The following PDE4B variants were observed in gnomAD, a reference collection of about 807,000 sequenced individuals.
PDE4B encodes 3',5'-cyclic-AMP phosphodiesterase 4B.
In PDE4B, 20 loss-of-function variants were observed where a neutral mutation model predicts 82.2. The ratio of observed to expected loss-of-function variants is 0.24; its 90% confidence interval spans 0.17 to 0.35. The LOEUF (loss-of-function observed/expected upper bound fraction) is 0.35. PDE4B is among the 10% of genes least tolerant of loss of function. The pLI is 1.00. For missense variants in PDE4B, 655 were observed against 907.2 expected (o/e 0.72, Z 3.57); for synonymous variants, 320 against 318.9 (o/e 1.00, Z -0.04).
In PDE4B at chr1:66,306,917, T is replaced by G. The variant is rs372224375; in HGVS notation, c.635-25591T>G. ...TCAGTTGGAAATACAGATGTGGCAC[T>G]TTTGTAAAAGATCGGGGACAATGAT... On this transcript the variant is annotated intron_variant, in intron 7 of 16. Coordinates refer to ENST00000341517, the MANE Select transcript of PDE4B (RefSeq NM_002600.4). Among the ~76,000 whole-genome samples, 10 of 152,270 alleles carry G rather than the reference T, an allele frequency of 6.6e-5. No individual in the cohort carries two copies. The East Asian group carries it at 9.6e-4, about 15-fold the overall frequency.
intron 1 of PDE4B, among the ~76,000 whole-genome samples, chr1:65,901,151 GT>G (rs1000980118): frequency 8.4e-4 from 128 of 152,034 alleles, no homozygotes; most frequent in Non-Finnish European, 1.5e-3. Flanking sequence ...TATGTTGAGA[GT>G]TTTTTCATGA....
chr1:66,325,781 T>C (rs184951827), intron 7 of PDE4B, among the ~76,000 whole-genome samples: 1 of 152,278 alleles, frequency 6.6e-6, no homozygotes, highest in Admixed American at 6.5e-5. Flanking sequence ...ATCAGGAAAG[T>C]GACCCAGGAC....
intron 3 of PDE4B, among the ~76,000 whole-genome samples, chr1:66,224,728 A>G (rs1257713866): frequency 6.6e-6 from 1 of 152,186 alleles, no homozygotes; most frequent in African/African-American, 2.4e-5. Context: ...AAAAATAATA[A>G]TAATAATAAT....
intron 3 of PDE4B, among the ~76,000 whole-genome samples, chr1:66,131,592 G>GATATATATGTAT (rs1645945377): frequency 3.0e-5 from 1 of 32,842 alleles, no homozygotes; most frequent in Non-Finnish European, 7.9e-5. Flanking sequence ...CTGAATGCCA[G>GATATATATGTAT]ATATATATAT....
Position 65,918,818 on chromosome 1 carries a change from A to T in PDE4B, c.264A>T (p.Thr88=). The change falls in exon 3 of 17, where the codon ACA becomes ACT. Residue 88 remains threonine, a synonymous_variant. Transcript: ENST00000341517. ...CAACGCTTCCAAGCATTGCTATTAC[A>T]ACTGTAAGCCAGGAGTGGTGAGTAG... is the stretch of plus-strand genomic sequence containing the variant. The part of the protein sequence containing the change: ...PLTTLPSIAI[T]TVSQECFDVE... The T allele has an allele frequency of 6.2e-7, 1 of 1,608,544 alleles. No individual in the cohort carries two copies. Among genetic ancestry groups the T allele is most frequent in the Non-Finnish European group, 8.5e-7 (1 of 1,174,864 alleles).
chr1:66,203,151 T>G (rs1649173264), intron 3 of PDE4B, among the ~76,000 whole-genome samples: 1 of 151,948 alleles, frequency 6.6e-6, no homozygotes, highest in Admixed American at 6.6e-5. Context: ...AAAATTCTTT[T>G]CTTTAAGAAT....
intron 7 of PDE4B, among the ~76,000 whole-genome samples, chr1:66,304,901 T>C (rs1427814820): frequency 6.6e-6 from 1 of 152,142 alleles, no homozygotes; most frequent in Non-Finnish European, 1.5e-5. Flanking sequence ...TCCTCAGTCC[T>C]CAATGCTCAC....
chr1:66,041,547 G>A (rs1654372503), intron 3 of PDE4B, among the ~76,000 whole-genome samples: 1 of 151,770 alleles, frequency 6.6e-6, no homozygotes, highest in African/African-American at 2.4e-5. Flanking sequence ...CCCAGTGGTT[G>A]GAACATTCTA....
chr1:65,898,054 T>C (rs1440101779), intron 1 of PDE4B, among the ~76,000 whole-genome samples: 1 of 152,134 alleles, frequency 6.6e-6, no homozygotes. Context: ...TAGTATCTCA[T>C]TGTGATTTTG....
chr1:65,923,218 A>C (rs1488033388), intron 3 of PDE4B, among the ~76,000 whole-genome samples: 7 of 152,210 alleles, frequency 4.6e-5, no homozygotes, highest in Non-Finnish European at 1.0e-4. Flanking sequence ...GCCCATAGGA[A>C]TTGTATTCGT....
intron 7 of PDE4B, among the ~76,000 whole-genome samples, chr1:66,268,667 C>CAAAAAAAAAAA (rs36046564): frequency 3.3e-4 from 20 of 61,208 alleles, no homozygotes; most frequent in African/African-American, 8.0e-4. Context: ...GACTCCATCT[C>CAAAAAAAAAAA]AAAAAAAAAA....
At chr1:66,190,431 G>C (rs935227609) in intron 3 of PDE4B, among the ~76,000 whole-genome samples, 1 of 152,216 alleles carries the variant, frequency 6.6e-6, no homozygotes, top group Non-Finnish European at 1.5e-5. Context: ...TGCCCCCAGA[G>C]GTGGAGTCTA....
intron 1 of PDE4B, among the ~76,000 whole-genome samples, chr1:65,869,470 G>C (rs1252247834): frequency 6.6e-6 from 1 of 152,198 alleles, no homozygotes; most frequent in Non-Finnish European, 1.5e-5. Flanking sequence ...GTATGTATCA[G>C]TGTGTGTGTA....
chr1:66,136,101 C>A (rs1646049813), intron 3 of PDE4B, among the ~76,000 whole-genome samples: 1 of 152,106 alleles, frequency 6.6e-6, no homozygotes, highest in Non-Finnish European at 1.5e-5. Context: ...AGTGTGTATC[C>A]TTAGGCTGGC....
At chr1:65,804,278 T>C (rs1445720241) in intron 1 of PDE4B, among the ~76,000 whole-genome samples, 1 of 152,236 alleles carries the variant, frequency 6.6e-6, no homozygotes, top group Non-Finnish European at 1.5e-5. Context: ...TGCTTTATGC[T>C]CTTGCTTGAT....
rs182663479 is a variant in PDE4B at position 65,881,186 on chromosome 1, A to C, written c.-70-32059A>C. Reference sequence around the variant, plus strand: ...AGTGCATTCTTTGTTTCTCTTCTGCATGCTAGACTACACCATGCAGACTCC... The same window carrying C: ...AGTGCATTCTTTGTTTCTCTTCTGCCTGCTAGACTACACCATGCAGACTCC... On this transcript the variant is annotated intron_variant, in intron 1 of 16. Transcript: ENST00000341517. 1.6e-3 allele frequency among the ~76,000 whole-genome samples: 240 copies of C among 152,300 alleles called. 2 individuals carry two copies. Among genetic ancestry groups the C allele is most frequent in the African/African-American group, 5.4e-3 (225 of 41,572 alleles).
At chr1:66,282,198 G>T (rs919109955) in intron 7 of PDE4B, among the ~76,000 whole-genome samples, 3 of 152,114 alleles carry the variant, frequency 2.0e-5, no homozygotes, top group Non-Finnish European at 4.4e-5. Flanking sequence ...GAACTAGAGA[G>T]AATTTAGAAG....
chr1:66,201,995 T>A (rs1212991337), intron 3 of PDE4B, among the ~76,000 whole-genome samples: 1 of 152,238 alleles, frequency 6.6e-6, no homozygotes, highest in Non-Finnish European at 1.5e-5. Context: ...GTGCTATAAA[T>A]TTCCCTCTAC....
chr1:65,894,622 C>A (rs560805533), intron 1 of PDE4B, among the ~76,000 whole-genome samples: 7 of 152,096 alleles, frequency 4.6e-5, no homozygotes, highest in Non-Finnish European at 8.8e-5. Context: ...AAGCATATAT[C>A]TTGTAAATAA....
Sources: allele counts gnomAD v4.1 joint callset (sites outside exome capture counted in the v4.1 genomes callset), GRCh38; gene constraint gnomAD v4.1.1; transcripts MANE v1.5; gene names NCBI Gene and HGNC (gene_info 2026-07-23, HGNC 2026-07-21).